Variants in CLCA4 observed in about 807,000 individuals in gnomAD.
CLCA4 encodes the protein chloride channel accessory 4.
CLCA4 carries 69 observed loss-of-function variants against 78.9 expected under a neutral mutation model. The observed-to-expected ratio is 0.87, with a 90% CI of 0.72 to 1.07. The LOEUF (loss-of-function observed/expected upper bound fraction) is 1.07. Ranked by LOEUF, CLCA4 falls within the 50% of genes least tolerant of loss-of-function variation. The probability of loss-of-function intolerance (pLI) is 0.00; values close to 1 mark genes in which losing one functional copy is unlikely to be tolerated. For synonymous variants in CLCA4, 362 were observed against 375.8 expected (o/e 0.96, Z 0.42); for missense variants, 1,133 against 1,095.8 (o/e 1.03, Z -0.48).
At chr1:86,562,648 T>G (rs1650056949) in intron 3 of CLCA4, among the ~76,000 whole-genome samples, 2 of 150,880 alleles carry the variant, frequency 1.3e-5, no homozygotes, top group African/African-American at 4.9e-5. Context: ...AGGTCAGGAG[T>G]TCGACACCAG....
rs780067323 is a variant in CLCA4, at chr1:86,560,072, TGTAA to T, written c.300+3_300+6del. On this transcript the variant is annotated splice_donor_variant and splice_donor_region_variant and intron_variant, in intron 2 of 13. Transcript: ENST00000370563. LOFTEE classifies it high-confidence loss of function. ...GGCCAAAACATGAAAACCATAAACA[TGTAA>T]GTGTCGAAATATTCTCTTAAAAAAT... 1.8e-5 allele frequency: 29 copies of T among 1,579,910 alleles called. No homozygotes were observed. The highest frequency in any genetic ancestry group is 1.4e-4 in the Admixed American group (7 of 50,146).
intron 1 of CLCA4, among the ~76,000 whole-genome samples, chr1:86,550,864 A>C (rs1458948208): frequency 2.8e-5 from 4 of 143,816 alleles, no homozygotes; most frequent in East Asian, 2.1e-4. Context: ...CAGAATCTCG[A>C]TCTGTCCCCC....
intron 1 of CLCA4, among the ~76,000 whole-genome samples, chr1:86,547,934 G>C (rs1277007341): frequency 1.3e-5 from 2 of 152,174 alleles, no homozygotes; most frequent in Non-Finnish European, 2.9e-5. Context: ...TGGAAGTGCA[G>C]ACTGATGTCT....
At chr1:86,557,258 G>A (rs898259259) in intron 1 of CLCA4, among the ~76,000 whole-genome samples, 5 of 152,022 alleles carry the variant, frequency 3.3e-5, no homozygotes, top group Admixed American at 1.3e-4. Flanking sequence ...TAGCTTTGGG[G>A]TTGATTTGTT....
At chr1:86,579,863 G>A in intron 13 of CLCA4, 79 bp from the exon 14 acceptor site, 1 of 996,210 alleles carries the variant, frequency 1.0e-6, no homozygotes, top group Non-Finnish European at 1.5e-6. Flanking sequence ...TGCATAACTA[G>A]ACATTTTTGA....
chr1:86,556,266 TC>T (rs1156436670), intron 1 of CLCA4, among the ~76,000 whole-genome samples: 1 of 152,224 alleles, frequency 6.6e-6, no homozygotes, highest in Non-Finnish European at 1.5e-5. Context: ...AGAGACAGCA[TC>T]CTTGTCTTGT....
intron 1 of CLCA4, among the ~76,000 whole-genome samples, chr1:86,555,110 C>A (rs565795026): frequency 6.6e-6 from 1 of 151,926 alleles, no homozygotes; most frequent in Admixed American, 6.6e-5. Context: ...GATATTAGAC[C>A]GGTGTTGGAC....
chr1:86,568,016 C>T (rs1357762193), intron 7 of CLCA4, among the ~76,000 whole-genome samples: 1 of 151,988 alleles, frequency 6.6e-6, no homozygotes, highest in Non-Finnish European at 1.5e-5. Flanking sequence ...TAGTATGATT[C>T]TACTTCAAGC....
chr1:86,563,037 T>C (rs1650071999), intron 3 of CLCA4, among the ~76,000 whole-genome samples: 1 of 151,868 alleles, frequency 6.6e-6, no homozygotes, highest in Non-Finnish European at 1.5e-5. Flanking sequence ...CTGAAGTTTT[T>C]CCCAACATTG....
chr1:86,574,478 C>A (rs2101816004), intron 9 of CLCA4, 62 bp from the exon 10 acceptor site: 2 of 1,387,870 alleles, frequency 1.4e-6, no homozygotes, highest in South Asian at 2.4e-5. Context: ...TAAAAACCAT[C>A]TTGAAAAAAG....
intron 6 of CLCA4, among the ~76,000 whole-genome samples, chr1:86,566,331 A>G (rs1459949225): frequency 6.6e-6 from 1 of 151,882 alleles, no homozygotes; most frequent in African/African-American, 2.4e-5. Flanking sequence ...GTTACTGTAT[A>G]TTATATTTAT....
intron 1 of CLCA4, chr1:86,553,007 A>G: frequency 1.6e-6 from 1 of 622,696 alleles, no homozygotes; most frequent in Non-Finnish European, 2.9e-6. Flanking sequence ...CCCAAGCCAG[A>G]GGCAGGACGT....
intron 10 of CLCA4, among the ~76,000 whole-genome samples, 164 bp from the exon 11 acceptor site, chr1:86,575,168 G>T (rs188679756): frequency 3.9e-5 from 6 of 152,084 alleles, no homozygotes; most frequent in Non-Finnish European, 7.4e-5. Context: ...GTACTACTTG[G>T]CATGCCCTGT....
chr1:86,570,114 G>A (rs543032649), intron 7 of CLCA4, among the ~76,000 whole-genome samples: 1 of 152,028 alleles, frequency 6.6e-6, no homozygotes, highest in Non-Finnish European at 1.5e-5. Context: ...TTCAAAACAT[G>A]CAAAAATTGT....
In CLCA4 at chr1:86,575,359, G is replaced by C. The variant is rs1220919331; in HGVS notation, c.1711G>C (p.Ala571Pro). 1 of 1,613,186 alleles carries C rather than the reference G, an allele frequency of 6.2e-7. No homozygotes were observed. The highest frequency in any genetic ancestry group is 1.1e-5 in the South Asian group (1 of 91,042). Residue 571 changes from alanine to proline, a missense_variant, in exon 11 of 14, where the codon GCC (alanine) becomes CCC (proline). Ala to Pro is a conservative substitution (Grantham distance 27). Transcript: ENST00000370563. ...GGGCACTTGGGCATACAATCTTCAAGCCAAAGCGAACCCAGAAACATTAAC... is the reference window on the plus strand; with the variant it reads ...GGGCACTTGGGCATACAATCTTCAACCCAAAGCGAACCCAGAAACATTAAC... The part of the protein sequence containing the change: ...KVGTWAYNLQ[A>P]KANPETLTIT...
At chr1:86,579,717 G>T (rs552440634) in intron 13 of CLCA4, 130 bp downstream of exon 13, 11 of 751,134 alleles carry the variant, frequency 1.5e-5, no homozygotes, top group African/African-American at 1.8e-5. Flanking sequence ...TTTATAATCT[G>T]ATATTTTTTA....
In CLCA4 at chr1:86,565,814, T is replaced by G. The variant is rs1353304875; in HGVS notation, c.748T>G (p.Cys250Gly). 6.6e-7 allele frequency: 1 copy of G among 1,523,260 alleles called. No homozygotes were observed. The highest frequency in any genetic ancestry group is 2.2e-5 in the Admixed American group (1 of 45,214). The allele number at this position is 1,523,260 out of a possible 1,614,324, so 94.4% of individuals were successfully genotyped here. Residue 250 changes from cysteine (C) to glycine (G), a missense_variant, in exon 6 of 14, where the codon TGT becomes GGT. Transcript: ENST00000370563. ...ATTAACCTTTTAGGTTGTTGAATTT[T>G]GTAACGAAAAAACCCATAATCAAGA... ...MQSIDSVVEF[C>G]NEKTHNQEAP... is the part of the protein sequence containing the mutation.
intron 1 of CLCA4, among the ~76,000 whole-genome samples, chr1:86,549,772 A>G (rs930502317): frequency 1.3e-5 from 2 of 152,196 alleles, no homozygotes; most frequent in Admixed American, 6.5e-5. Context: ...AGTGGAGAAA[A>G]TTTGGCATTT....
intron 1 of CLCA4, among the ~76,000 whole-genome samples, chr1:86,554,037 C>T (rs1246792646): frequency 6.6e-6 from 1 of 152,028 alleles, no homozygotes; most frequent in Non-Finnish European, 1.5e-5. Flanking sequence ...AGGTTTGTTG[C>T]ATAGGTAAAC....
Sources: allele counts gnomAD v4.1 joint callset (sites outside exome capture counted in the v4.1 genomes callset), GRCh38; gene constraint gnomAD v4.1.1; transcripts MANE v1.5; gene names NCBI Gene and HGNC (gene_info 2026-07-23, HGNC 2026-07-21).